The following CATSPERB variants were observed in gnomAD, a reference collection of about 807,000 sequenced individuals.
CATSPERB encodes the protein cation channel sperm-associated auxiliary subunit beta.
CATSPERB carries 93 observed loss-of-function variants against 128.3 expected under a neutral mutation model. The ratio of observed to expected loss-of-function variants is 0.72; its 90% CI spans 0.61 to 0.86. The LOEUF is 0.86. CATSPERB is among the 40% of genes least tolerant of loss of function. The probability of loss-of-function intolerance (pLI) is 0.00; values close to 1 mark genes in which losing one functional copy is unlikely to be tolerated. For synonymous variants in CATSPERB, 381 were observed against 448.8 expected (o/e 0.85, Z 1.91); for missense variants, 1,153 against 1,329.5 (o/e 0.87, Z 2.06).
intron 22 of CATSPERB, chr14:91,592,310 G>A: frequency 8.3e-6 from 3 of 363,170 alleles, no homozygotes; most frequent in South Asian, 5.7e-5. Flanking sequence ...CAAACTAACT[G>A]CTCTTGGCCC....
chr14:91,582,197 A>G (rs762243659), intron 26 of CATSPERB, among the ~76,000 whole-genome samples: 6 of 152,234 alleles, frequency 3.9e-5, no homozygotes, highest in Non-Finnish European at 7.3e-5. Flanking sequence ...TGTATAAAAC[A>G]CCAGTCTGTG....
chr14:91,662,244 A>G (rs544541506), intron 14 of CATSPERB, among the ~76,000 whole-genome samples: 101 of 152,238 alleles, frequency 6.6e-4, no homozygotes, highest in African/African-American at 2.4e-3. Context: ...TTAAGCACAT[A>G]TGTTTAAATA....
At chr14:91,712,701 C>G (rs1054743558) in intron 5 of CATSPERB, among the ~76,000 whole-genome samples, 1 of 152,118 alleles carries the variant, frequency 6.6e-6, no homozygotes. Context: ...TATTTCAGTT[C>G]AGAATCAGGG....
intron 22 of CATSPERB, among the ~76,000 whole-genome samples, chr14:91,598,751 G>A (rs1893554964): frequency 6.6e-6 from 1 of 150,440 alleles, no homozygotes; most frequent in South Asian, 2.1e-4. Flanking sequence ...CCAGCTACTT[G>A]GGAGGCTGAG....
chr14:91,723,338 C>T lies in CATSPERB; in HGVS notation c.169-149G>A, dbSNP rs1896065657. On this transcript the variant is annotated intron_variant, in intron 3 of 26. Coordinates refer to ENST00000256343, the MANE Select transcript of CATSPERB (RefSeq NM_024764.4). The stretch of plus-strand genomic sequence containing the variant: ...AAGTATACTTTCAGAACTCAGTAAC[C>T]TATTATGCTAGCATCATAAAGGTTT... The T allele has an allele frequency of 6.4e-6, 3 of 471,122 alleles. No homozygotes were observed. The East Asian group carries it at 1.0e-4, about 16-fold the overall frequency. 29.2% of individuals were successfully genotyped at this position (471,122 alleles called of 1,614,324 possible).
Position 91,581,097 on chromosome 14 carries a change from T to G in CATSPERB, c.3143A>C (p.Asp1048Ala). Residue 1048 changes from aspartate to alanine, a missense_variant, in exon 27 of 27, where the codon GAT becomes GCT. Transcript: ENST00000256343. ...TCCTGGGAATGGCAATGGTGCCTCA[T>G]CAACATAAATCTGCAACAGAAAAAG... ...NLIEEFQIYV[D>A]EAPLPFPGHT... 1 of 1,612,996 alleles carries G rather than the reference T, an allele frequency of 6.2e-7. No homozygotes were observed. Among genetic ancestry groups the G allele is most frequent in the Non-Finnish European group, 8.5e-7 (1 of 1,179,552 alleles).
At chr14:91,619,806 C>G (rs1235438048) in intron 19 of CATSPERB, among the ~76,000 whole-genome samples, 1 of 150,466 alleles carries the variant, frequency 6.6e-6, no homozygotes, top group Non-Finnish European at 1.5e-5. Flanking sequence ...TTACCTGGGT[C>G]ATAAAAGTAT....
intron 26 of CATSPERB, among the ~76,000 whole-genome samples, chr14:91,582,462 C>T (rs999470787): frequency 1.4e-4 from 22 of 152,150 alleles, no homozygotes; most frequent in African/African-American, 2.9e-4. Context: ...AGGGGTGGGT[C>T]GCCGGTGAAA....
intron 15 of CATSPERB, among the ~76,000 whole-genome samples, chr14:91,645,711 C>T (rs12880311): frequency 0.25 from 33,568 of 131,844 alleles, 4,844 homozygotes; most frequent in East Asian, 0.46. Context: ...GCAGGCAGAC[C>T]TCCTTGAGCT....
At chr14:91,687,382 A>G (rs1895393644) in intron 10 of CATSPERB, among the ~76,000 whole-genome samples, 1 of 152,064 alleles carries the variant, frequency 6.6e-6, no homozygotes, top group Non-Finnish European at 1.5e-5. Context: ...TAGTACCCTT[A>G]TTTGATGTGG....
chr14:91,719,178 T>A (rs1895990042), intron 5 of CATSPERB, among the ~76,000 whole-genome samples: 1 of 152,156 alleles, frequency 6.6e-6, no homozygotes, highest in South Asian at 2.1e-4. Context: ...AAAGATAATA[T>A]AAATGTTGTA....
chr14:91,640,034 A>G (rs1894462980), intron 15 of CATSPERB, among the ~76,000 whole-genome samples: 1 of 152,092 alleles, frequency 6.6e-6, no homozygotes, highest in Non-Finnish European at 1.5e-5. Context: ...TCTACCATCT[A>G]GTGCTCTTCC....
In CATSPERB at chr14:91,656,025, GA is replaced by G. The variant is rs34211706; in HGVS notation, c.1432+3811del. On this transcript the variant is annotated intron_variant, in intron 15 of 26. Coordinates refer to ENST00000256343, the MANE Select transcript of CATSPERB (RefSeq NM_024764.4). ...TTTCAGTGTAAACCTTACAGGCCAGGAAAAAGTGGCATGACGTATATTTTTT... is the reference window on the plus strand; with the variant it reads ...TTTCAGTGTAAACCTTACAGGCCAGGAAAAGTGGCATGACGTATATTTTTT... 3.2e-3 allele frequency among the ~76,000 whole-genome samples: 493 copies of G among 152,170 alleles called. 9 individuals are homozygous for G. The highest frequency in any genetic ancestry group is 0.022 in the East Asian group (113 of 5,182).
intron 12 of CATSPERB, 53 bp from the exon 13 acceptor site, chr14:91,673,069 A>AT: frequency 6.9e-7 from 1 of 1,456,244 alleles, no homozygotes; most frequent in Non-Finnish European, 9.3e-7. Flanking sequence ...ATAAGTTCTA[A>AT]TTCTCTTAGT....
chr14:91,680,459 G>A (rs1895261553), intron 11 of CATSPERB, among the ~76,000 whole-genome samples: 2 of 152,304 alleles, frequency 1.3e-5, no homozygotes, highest in Admixed American at 1.3e-4. Context: ...GACTATAGCA[G>A]CCCAATGCAT....
chr14:91,604,393 C>G, intron 22 of CATSPERB: 1 of 995,422 alleles, frequency 1.0e-6, no homozygotes, highest in Non-Finnish European at 1.6e-6. Context: ...ATGTCAATTG[C>G]ACTCTTCTTC....
chr14:91,646,491 C>G (rs542123552), intron 15 of CATSPERB, among the ~76,000 whole-genome samples: 1 of 152,328 alleles, frequency 6.6e-6, no homozygotes, highest in Non-Finnish European at 1.5e-5. Context: ...CATCCACTCT[C>G]CTCATCAAAA....
chr14:91,598,857 C>CA (rs377460093), intron 22 of CATSPERB, among the ~76,000 whole-genome samples: 8,186 of 109,986 alleles, frequency 0.074, 519 homozygotes, highest in Admixed American at 0.13. Context: ...GACTCTGTCT[C>CA]AAAAAAAAAA....
intron 26 of CATSPERB, among the ~76,000 whole-genome samples, chr14:91,585,910 GT>G (rs1331566912): frequency 6.6e-6 from 1 of 152,124 alleles, no homozygotes; most frequent in African/African-American, 2.4e-5. Context: ...TTATTTGTTT[GT>G]TTTTAGCAGT....
Sources: allele counts gnomAD v4.1 joint callset (sites outside exome capture counted in the v4.1 genomes callset), GRCh38; gene constraint gnomAD v4.1.1; transcripts MANE v1.5; gene names NCBI Gene and HGNC (gene_info 2026-07-23, HGNC 2026-07-21).